The following CPNE4 variants were observed in gnomAD, a reference collection of about 807,000 sequenced individuals.
The protein encoded by CPNE4 is copine-4.
Under a neutral mutation model 67.9 loss-of-function variants are expected in CPNE4, and 25 were observed. The observed-to-expected ratio is 0.37, with a 90% CI of 0.27 to 0.51. The LOEUF (loss-of-function observed/expected upper bound fraction) is 0.51, where lower values mean the gene tolerates loss of function less well. CPNE4 is among the 20% of genes least tolerant of loss of function. The probability of loss-of-function intolerance (pLI) is 0.93; values close to 1 mark genes in which losing one functional copy is unlikely to be tolerated. For missense variants in CPNE4, 464 were observed against 690.8 expected (o/e 0.67, Z 3.68); for synonymous variants, 242 against 244.9 (o/e 0.99, Z 0.11).
At chr3:131,891,686 G>A (rs1475530297) in intron 2 of CPNE4, among the ~76,000 whole-genome samples, 1 of 152,092 alleles carries the variant, frequency 6.6e-6, no homozygotes, top group African/African-American at 2.4e-5. Flanking sequence ...TTGGTTTCCT[G>A]TTCTGGTGTT....
At chr3:131,702,913 G>T (rs1196666906) in intron 3 of CPNE4, among the ~76,000 whole-genome samples, 1 of 152,208 alleles carries the variant, frequency 6.6e-6, no homozygotes, top group East Asian at 1.9e-4. Flanking sequence ...ATGGGCATTT[G>T]GGTATACAAG....
At chr3:131,769,445 T>C (rs945360100) in intron 2 of CPNE4, among the ~76,000 whole-genome samples, 4 of 152,110 alleles carry the variant, frequency 2.6e-5, no homozygotes, top group Non-Finnish European at 5.9e-5. Context: ...AGCTGATTGG[T>C]CTGTGCTGAA....
intron 5 of CPNE4, among the ~76,000 whole-genome samples, chr3:131,688,705 T>C (rs2080956568): frequency 6.6e-6 from 1 of 152,136 alleles, no homozygotes; most frequent in Admixed American, 6.6e-5. Flanking sequence ...TTTAAAACTT[T>C]TGTTACCATC....
At chr3:131,765,740 T>A (rs556702643) in intron 2 of CPNE4, among the ~76,000 whole-genome samples, 1 of 152,046 alleles carries the variant, frequency 6.6e-6, no homozygotes, top group African/African-American at 2.4e-5. Context: ...TATGTGTTGA[T>A]GGAAGTGACA....
intron 6 of CPNE4, among the ~76,000 whole-genome samples, chr3:131,685,406 GAA>G (rs55693647): frequency 2.3e-3 from 321 of 140,886 alleles, no homozygotes; most frequent in African/African-American, 6.6e-3. Flanking sequence ...GATTAAAAGT[GAA>G]AAAAAAAAAA....
chr3:131,882,218 G>T (rs1358360493), intron 2 of CPNE4, among the ~76,000 whole-genome samples: 2 of 151,562 alleles, frequency 1.3e-5, no homozygotes, highest in African/African-American at 4.9e-5. Flanking sequence ...ATAAGTTATG[G>T]TTTAATTATA....
chr3:132,028,170 T>G (rs77061477), intron 1 of CPNE4, among the ~76,000 whole-genome samples: 1,886 of 152,304 alleles, frequency 0.012, 34 homozygotes, highest in African/African-American at 0.04. Context: ...CTGAATGAGA[T>G]GCCACCCCCT....
In CPNE4 at chr3:131,560,562, G is replaced by C. The variant is rs139785389; in HGVS notation, c.1061+3654C>G. Among the ~76,000 whole-genome samples, 481 of 151,976 alleles carry C rather than the reference G, an allele frequency of 3.2e-3. 4 individuals carry two copies. Among genetic ancestry groups the C allele is most frequent in the East Asian group, 0.016 (82 of 5,126 alleles). ...CCCTCTTTTATACAGTTCCCATCCC[G>C]ACACAGGGCAACACTTCCCCGGCCA... On this transcript the variant is annotated intron_variant, in intron 11 of 15. Coordinates refer to ENST00000429747, the MANE Select transcript of CPNE4 (RefSeq NM_130808.3).
intron 1 of CPNE4, among the ~76,000 whole-genome samples, chr3:131,976,475 G>C (rs2072656861): frequency 6.6e-6 from 1 of 152,090 alleles, no homozygotes; most frequent in Non-Finnish European, 1.5e-5. Flanking sequence ...ATTTTAAAGA[G>C]AGTGAAGATT....
rs2085626528 is a variant in CPNE4, at chr3:131,838,045, C to T, written c.180+67219G>A. ...AAACCTTAGAATCATTTGCAGTCAC[C>T]TTTGTTCCCATCCTCAGCTTTAGGC... is the stretch of plus-strand genomic sequence containing the variant. On this transcript the variant is annotated intron_variant, in intron 2 of 15. Coordinates refer to ENST00000429747, the MANE Select transcript of CPNE4 (RefSeq NM_130808.3). 2.6e-5 allele frequency among the ~76,000 whole-genome samples: 4 copies of T among 151,982 alleles called. No individual in the cohort carries two copies. The South Asian group carries it at 6.2e-4, about 24-fold the overall frequency.
At chr3:131,624,342 T>C (rs1221727213) in intron 7 of CPNE4, among the ~76,000 whole-genome samples, 6 of 152,198 alleles carry the variant, frequency 3.9e-5, no homozygotes, top group African/African-American at 7.2e-5. Flanking sequence ...TGCTGATATC[T>C]GGGTCTGGGT....
At chr3:131,888,893 T>C (rs968571092) in intron 2 of CPNE4, among the ~76,000 whole-genome samples, 14 of 152,156 alleles carry the variant, frequency 9.2e-5, no homozygotes, top group African/African-American at 2.9e-4. Context: ...AATTTCTCTA[T>C]TTTACAAAGA....
At chr3:131,927,219 T>G (rs2070920192) in intron 1 of CPNE4, among the ~76,000 whole-genome samples, 1 of 152,238 alleles carries the variant, frequency 6.6e-6, no homozygotes, top group East Asian at 1.9e-4. Flanking sequence ...TGGTTGGTTT[T>G]GTTTTGCTTT....
At chr3:131,928,834 G>C (rs994340404) in intron 1 of CPNE4, among the ~76,000 whole-genome samples, 1 of 152,164 alleles carries the variant, frequency 6.6e-6, no homozygotes, top group Non-Finnish European at 1.5e-5. Flanking sequence ...TGACACCTTT[G>C]TCGGGACATG....
chr3:131,874,222 G>C (rs1319105591), intron 2 of CPNE4, among the ~76,000 whole-genome samples: 2 of 151,938 alleles, frequency 1.3e-5, no homozygotes, highest in Non-Finnish European at 2.9e-5. Context: ...CCGAGTAGCT[G>C]AGACTACAGG....
intron 2 of CPNE4, among the ~76,000 whole-genome samples, chr3:131,812,256 C>CAA (rs899862655): frequency 6.8e-6 from 1 of 146,344 alleles, no homozygotes; most frequent in Non-Finnish European, 1.5e-5. Context: ...TACATAAAAA[C>CAA]AACTCTTTTA....
At chr3:131,880,367 AC>A (rs937195113) in intron 2 of CPNE4, among the ~76,000 whole-genome samples, 6 of 151,356 alleles carry the variant, frequency 4.0e-5, no homozygotes, top group African/African-American at 1.5e-4. Flanking sequence ...CGCCCGCCCG[AC>A]CTCCCAAAGT....
At chr3:131,674,610 T>C (rs1273798496) in intron 6 of CPNE4, among the ~76,000 whole-genome samples, 3 of 152,018 alleles carry the variant, frequency 2.0e-5, no homozygotes, top group Non-Finnish European at 2.9e-5. Flanking sequence ...TATTGGCATA[T>C]AGTTGCTCAT....
intron 2 of CPNE4, among the ~76,000 whole-genome samples, chr3:131,818,493 G>A (rs1002891897): frequency 2.0e-5 from 3 of 152,192 alleles, no homozygotes; most frequent in African/African-American, 7.2e-5. Flanking sequence ...TTGACCTTGT[G>A]TAGGTGCCCA....
Sources: allele counts gnomAD v4.1 joint callset (sites outside exome capture counted in the v4.1 genomes callset), GRCh38; gene constraint gnomAD v4.1.1; transcripts MANE v1.5; gene names NCBI Gene and HGNC (gene_info 2026-07-23, HGNC 2026-07-21).